Variants in TENM2 observed in about 807,000 individuals in gnomAD.
TENM2 encodes the protein teneurin-2.
In TENM2, 52 loss-of-function variants were observed where a neutral mutation model predicts 245.2. The observed-to-expected ratio is 0.21, with a 90% confidence interval of 0.17 to 0.27. The LOEUF (loss-of-function observed/expected upper bound fraction) is 0.27. Ranked by LOEUF, TENM2 falls within the 10% of genes least tolerant of loss-of-function variation. TENM2 has a pLI of 1.00. For missense variants in TENM2, 3,046 were observed against 3,666.8 expected (o/e 0.83, Z 4.37); for synonymous variants, 1,363 against 1,438.9 (o/e 0.95, Z 1.19).
At chr5:167,133,127 G>A in the TENM2 span, among the ~76,000 whole-genome samples, 1 of 152,176 alleles carries the variant, frequency 6.6e-6, no homozygotes, top group African/African-American at 2.4e-5. Flanking sequence ...GCAGTAAAGG[G>A]GGAAGAAGGG....
At chr5:167,940,283 G>A (rs1432620523) in intron 3 of TENM2, among the ~76,000 whole-genome samples, 4 of 151,936 alleles carry the variant, frequency 2.6e-5, no homozygotes, top group Admixed American at 6.6e-5. Flanking sequence ...TAACTAATTC[G>A]GTCATTTGTT....
chr5:167,907,557 A>G (rs1356832457), intron 3 of TENM2, among the ~76,000 whole-genome samples: 1 of 109,966 alleles, frequency 9.1e-6, no homozygotes, highest in Non-Finnish European at 1.9e-5. Flanking sequence ...ATATATATAT[A>G]TATATATATA....
At chr5:167,503,312 C>T (rs948491923) in intron 2 of TENM2, among the ~76,000 whole-genome samples, 2 of 152,096 alleles carry the variant, frequency 1.3e-5, no homozygotes, top group Admixed American at 1.3e-4. Flanking sequence ...TATACACTCT[C>T]CTTTTTCTCA....
chr5:168,090,991 A>AAG (rs1376478780), intron 8 of TENM2, among the ~76,000 whole-genome samples: 2 of 152,196 alleles, frequency 1.3e-5, no homozygotes, highest in Non-Finnish European at 2.9e-5. Flanking sequence ...AATTGAGGTT[A>AAG]AGAGTTTGGG....
At chr5:167,427,538 AAGGAAGGGAAGGAC>A in intron 2 of TENM2, among the ~76,000 whole-genome samples, 2 of 145,930 alleles carry the variant, frequency 1.4e-5, no homozygotes, top group South Asian at 2.2e-4. Flanking sequence ...GAAGGATGGG[AAGGAAGGGAAGGAC>A]GGGAAGGAAG....
chr5:167,476,618 G>A (rs1767397653), intron 2 of TENM2, among the ~76,000 whole-genome samples: 1 of 151,954 alleles, frequency 6.6e-6, no homozygotes, highest in Non-Finnish European at 1.5e-5. Context: ...TTGTTTTGAG[G>A]TGGAGTTTCA....
intron 3 of TENM2, among the ~76,000 whole-genome samples, chr5:167,919,020 G>T (rs1327946438): frequency 2.0e-5 from 3 of 152,142 alleles, no homozygotes; most frequent in Admixed American, 6.5e-5. Context: ...CACTGTGTGT[G>T]TATTATAATG....
At chr5:167,138,936 T>A in the TENM2 span, among the ~76,000 whole-genome samples, 3 of 152,342 alleles carry the variant, frequency 2.0e-5, no homozygotes, top group South Asian at 4.1e-4. Flanking sequence ...TTTACTAATC[T>A]TATATGGTTT....
chr5:167,860,094 C>T (rs1456877201), intron 2 of TENM2, among the ~76,000 whole-genome samples: 8 of 59,150 alleles, frequency 1.4e-4, no homozygotes, highest in East Asian at 5.6e-4. Flanking sequence ...CCAGCCGCCC[C>T]GTCCGGGAGG....
intron 2 of TENM2, among the ~76,000 whole-genome samples, chr5:167,466,128 A>T (rs139638559): frequency 6.6e-6 from 1 of 152,272 alleles, no homozygotes; most frequent in African/African-American, 2.4e-5. Flanking sequence ...CTTGAAGAGG[A>T]GATAAAGCTC....
intron 1 of TENM2, 89 bp from the exon 4 acceptor site, chr5:167,375,109 A>G: frequency 7.2e-7 from 1 of 1,385,984 alleles, no homozygotes; most frequent in Non-Finnish European, 9.8e-7. Flanking sequence ...GTCAGATGGG[A>G]AAAGTGGCTG....
the TENM2 span, among the ~76,000 whole-genome samples, chr5:167,141,367 A>AT: frequency 2.0e-5 from 3 of 152,130 alleles, no homozygotes; most frequent in Non-Finnish European, 4.4e-5. Context: ...TTTTTTCACC[A>AT]TTTTTTATTT....
rs370122768 is a variant in TENM2, at chr5:168,215,132, T to C, written c.3938T>C (p.Val1313Ala). The C allele has an allele frequency of 1.1e-5, 17 of 1,613,770 alleles. No homozygotes were observed. In the African/African-American group the frequency reaches 2.0e-4, roughly 19 times the overall value. Reference sequence around the variant, plus strand: ...ACCAACAGCAGGAGAATCTACCGCGTCAAGTCTCTGAGTGGAACCAAAGAC... The same window carrying C: ...ACCAACAGCAGGAGAATCTACCGCGCCAAGTCTCTGAGTGGAACCAAAGAC... The change falls in exon 21 of 29, where the codon GTC (valine) becomes GCC (alanine). Residue 1313 changes from valine to alanine, a missense_variant. Physicochemically the swap from Val to Ala is moderately conservative, Grantham distance 64 (BLOSUM62 0). This residue lies in a region of TENM2 where 2,704 missense variants were observed against 3,331.9 expected (regional missense o/e 0.81). Transcript: ENST00000518659.
At chr5:167,645,589 CT>C (rs11299140) in intron 2 of TENM2, among the ~76,000 whole-genome samples, 8,789 of 136,056 alleles carry the variant, frequency 0.065, 634 homozygotes, top group African/African-American at 0.19. Flanking sequence ...CTAGTTTTTC[CT>C]TTTTTTTTTT....
chr5:167,676,758 T>C (rs1039388955), intron 2 of TENM2, among the ~76,000 whole-genome samples: 6 of 152,154 alleles, frequency 3.9e-5, no homozygotes, highest in African/African-American at 1.4e-4. Context: ...ATGTTTTTAA[T>C]AAGCCACTGT....
chr5:168,065,744 A>T lies in TENM2; in HGVS notation c.1515+3479A>T, dbSNP rs531798288. 3.9e-5 allele frequency among the ~76,000 whole-genome samples: 6 copies of T among 152,166 alleles called. No homozygotes were observed. The South Asian group carries it at 1.2e-3, about 32-fold the overall frequency. The stretch of plus-strand genomic sequence containing the variant: ...AAAAGTAAAAACACTCCTAATAGAA[A>T]GCAGTCCCCTTTTGCTAAATGTTTA... On this transcript the variant is annotated intron_variant, in intron 7 of 28. Transcript: ENST00000518659.
At chr5:167,612,193 C>T (rs139190179) in intron 2 of TENM2, among the ~76,000 whole-genome samples, 114 of 152,230 alleles carry the variant, frequency 7.5e-4, no homozygotes, top group South Asian at 3.1e-3. Context: ...CCCCAGCTCA[C>T]AACAGCACAA....
intron 27 of TENM2, among the ~76,000 whole-genome samples, chr5:168,257,048 G>A (rs1325499484): frequency 6.6e-5 from 10 of 152,036 alleles, no homozygotes; most frequent in Admixed American, 3.3e-4. Context: ...AGATACTTAC[G>A]GAGCACCTAT....
intron 2 of TENM2, among the ~76,000 whole-genome samples, chr5:167,522,233 T>C (rs563049572): frequency 2.0e-5 from 3 of 152,292 alleles, no homozygotes. Context: ...GAAAAAGTCC[T>C]ATTTGGAGAT....
Sources: allele counts gnomAD v4.1 joint callset (sites outside exome capture counted in the v4.1 genomes callset), GRCh38; gene constraint gnomAD v4.1.1; regional missense constraint gnomAD v4.1.1; transcripts MANE v1.5; gene names NCBI Gene and HGNC (gene_info 2026-07-23, HGNC 2026-07-21).